Variants in BCO2 observed in about 807,000 individuals in gnomAD.
BCO2 encodes beta-carotene oxygenase 2, also known as carotenoid-cleaving dioxygenase, mitochondrial.
Under a neutral mutation model 65.8 loss-of-function variants are expected in BCO2, and 56 were observed. The observed-to-expected ratio is 0.85, with a 90% CI of 0.69 to 1.06. The LOEUF (loss-of-function observed/expected upper bound fraction) is 1.06. Ranked by LOEUF, BCO2 falls within the 50% of genes least tolerant of loss-of-function variation. The probability of loss-of-function intolerance (pLI) is 0.00; values close to 1 mark genes in which losing one functional copy is unlikely to be tolerated. For missense variants in BCO2, 675 were observed against 698.5 expected (o/e 0.97, Z 0.38); for synonymous variants, 233 against 242.3 (o/e 0.96, Z 0.36).
chr11:112,215,920 AGAG>A (rs1006913533), intron 10 of BCO2, among the ~76,000 whole-genome samples: 27 of 152,278 alleles, frequency 1.8e-4, no homozygotes, highest in African/African-American at 5.8e-4. Flanking sequence ...AGCAAGACAG[AGAG>A]GAGGAGGTGC....
intron 8 of BCO2, among the ~76,000 whole-genome samples, chr11:112,213,247 G>A (rs1266626800): frequency 3.1e-5 from 4 of 130,736 alleles, no homozygotes; most frequent in African/African-American, 1.2e-4. Flanking sequence ...AGGTTCAAGT[G>A]ATTCTCCTGC....
At chr11:112,195,506 G>A (rs1231346545) in intron 5 of BCO2, among the ~76,000 whole-genome samples, 2 of 150,332 alleles carry the variant, frequency 1.3e-5, no homozygotes, top group African/African-American at 4.9e-5. Context: ...GCCGTGGCAC[G>A]ATCTCAGCTC....
intron 1 of BCO2, 28 bp downstream of exon 1, chr11:112,175,717 C>T (rs1866864786): frequency 1.9e-6 from 3 of 1,566,154 alleles, no homozygotes; most frequent in Admixed American, 1.7e-5. Context: ...TTCTCTTCCT[C>T]ATCCTCCTCT....
chr11:112,199,678 A>G (rs763564058), intron 5 of BCO2, 21 bp from the exon 6 acceptor site: 3 of 1,610,916 alleles, frequency 1.9e-6, no homozygotes, highest in Non-Finnish European at 2.5e-6. Flanking sequence ...AACAGGTAAG[A>G]TAGGACTTTT....
At chr11:112,199,358 T>C (rs527909598) in intron 5 of BCO2, among the ~76,000 whole-genome samples, 4 of 152,366 alleles carry the variant, frequency 2.6e-5, no homozygotes, top group South Asian at 4.1e-4. Flanking sequence ...CAGTCTATCA[T>C]TGATGGGCAT....
chr11:112,206,776 T>C (rs1439087768), intron 8 of BCO2, among the ~76,000 whole-genome samples: 1 of 152,228 alleles, frequency 6.6e-6, no homozygotes, highest in Non-Finnish European at 1.5e-5. Context: ...TGATACAATA[T>C]TGCAACTGTA....
In BCO2 at chr11:112,214,850, G is replaced by C. The variant is rs1286665591; in HGVS notation, c.1421G>C (p.Ser474Thr). Residue 474 changes from serine (S) to threonine (T), a missense_variant, in exon 10 of 12, where the codon AGT (serine) becomes ACT (threonine). Coordinates refer to ENST00000357685, the MANE Select transcript of BCO2 (RefSeq NM_031938.7). ...CCTCAGATCTACTATGATCGATTCA[G>C]TGGCAAAAAGTATCATTTCTTTTAT... ...EFPQIYYDRF[S>T]GKKYHFFYGC... The C allele has an allele frequency of 6.2e-7, 1 of 1,613,990 alleles. No individual in the cohort carries two copies. Among genetic ancestry groups the C allele is most frequent in the Admixed American group, 1.7e-5 (1 of 60,008 alleles).
intron 8 of BCO2, among the ~76,000 whole-genome samples, chr11:112,210,869 C>T (rs969721420): frequency 6.6e-6 from 1 of 151,988 alleles, no homozygotes; most frequent in African/African-American, 2.4e-5. Flanking sequence ...TTATGCAAGA[C>T]ATTCCTACTG....
chr11:112,206,352 C>T (rs527911917), intron 8 of BCO2, among the ~76,000 whole-genome samples: 16 of 140,354 alleles, frequency 1.1e-4, no homozygotes, highest in East Asian at 6.5e-4. Context: ...AGTTCCCAGA[C>T]GGTGGGCGGC....
In BCO2 at chr11:112,193,487, T is replaced by A. The variant is rs1867462200; in HGVS notation, c.307T>A (p.Phe103Ile). Reference protein sequence around the residue: ...EFGKDKYNHWFDGMALLHQFR... With the variant: ...EFGKDKYNHWIDGMALLHQFR... ...TCCTGTTTGAAGGTACAATCATTGG[T>A]TTGATGGGATGGCGCTGCTTCACCA... The change falls in exon 3 of 12, where the codon TTT becomes ATT. Residue 103 changes from phenylalanine to isoleucine, a missense_variant. Physicochemically the swap from Phe to Ile is conservative, Grantham distance 21. Transcript: ENST00000357685. The A allele has an allele frequency of 6.2e-7, 1 of 1,613,982 alleles. No individual in the cohort carries two copies.
At chr11:112,175,718 ATCC>A in intron 1 of BCO2, 29 bp downstream of exon 1, 1 of 1,564,236 alleles carries the variant, frequency 6.4e-7, no homozygotes, top group Non-Finnish European at 8.8e-7. Context: ...TCTCTTCCTC[ATCC>A]TCCTCTTCTT....
chr11:112,187,064 C>T (rs1867221516), intron 2 of BCO2, among the ~76,000 whole-genome samples: 1 of 152,180 alleles, frequency 6.6e-6, no homozygotes, highest in East Asian at 1.9e-4. Context: ...AATTTCTCCA[C>T]CCCTGAAATC....
chr11:112,210,424 A>G (rs144552354), intron 8 of BCO2, among the ~76,000 whole-genome samples: 1 of 152,308 alleles, frequency 6.6e-6, no homozygotes, highest in East Asian at 1.9e-4. Flanking sequence ...TATAATTTGA[A>G]GCAGGATTCA....
In BCO2 at chr11:112,179,273, C is replaced by T; in HGVS notation, c.89-5C>T. The T allele has an allele frequency of 6.2e-7, 1 of 1,613,800 alleles. No individual in the cohort carries two copies. The highest frequency in any genetic ancestry group is 8.5e-7 in the Non-Finnish European group (1 of 1,179,746). ...TTTTTTGTGCTTTTGGTTTCCTCTG[C>T]ACAGTTTTCAAAAGGTACATGGGAA... On this transcript the variant is annotated splice_region_variant and splice_polypyrimidine_tract_variant and intron_variant, in intron 1 of 11. Coordinates refer to ENST00000357685, the MANE Select transcript of BCO2 (RefSeq NM_031938.7).
chr11:112,211,190 G>A (rs1222884911), intron 8 of BCO2, among the ~76,000 whole-genome samples: 2 of 152,038 alleles, frequency 1.3e-5, no homozygotes, highest in African/African-American at 4.8e-5. Context: ...TCATGTAAGT[G>A]GGGTCATACA....
rs1859609286 is a variant in BCO2, at chr11:112,214,769, G to A, written c.1340G>A (p.Cys447Tyr). The A allele has an allele frequency of 6.2e-7, 1 of 1,612,578 alleles. No individual in the cohort carries two copies. The highest frequency in any genetic ancestry group is 8.5e-7 in the Non-Finnish European group (1 of 1,178,716). Residue 447 changes from cysteine (C) to tyrosine (Y), a missense_variant, in exon 10 of 12, where the codon TGC (cysteine) becomes TAC (tyrosine). Physicochemically the swap from Cys to Tyr is radical, Grantham distance 194. Transcript: ENST00000357685. ...TTTTGAAATCTCTTTTAGATCTGGT[G>A]CTCTCATGAAAATCTACATCAGGAG... ...AVKQADGTIW[C>Y]SHENLHQEDL...
intron 8 of BCO2, among the ~76,000 whole-genome samples, chr11:112,204,562 C>T (rs1182699908): frequency 6.6e-6 from 1 of 152,156 alleles, no homozygotes; most frequent in Admixed American, 6.5e-5. Context: ...TTCTTCCTCC[C>T]CCTCAGACTA....
chr11:112,204,564 C>T (rs1867819093), intron 8 of BCO2, among the ~76,000 whole-genome samples: 1 of 152,212 alleles, frequency 6.6e-6, no homozygotes, highest in African/African-American at 2.4e-5. Context: ...CTTCCTCCCC[C>T]TCAGACTACT....
intron 2 of BCO2, among the ~76,000 whole-genome samples, chr11:112,191,059 A>G (rs1444645892): frequency 6.6e-6 from 1 of 151,102 alleles, no homozygotes; most frequent in Non-Finnish European, 1.5e-5. Context: ...ATATACCAGT[A>G]TTTTCTTCAA....
Sources: allele counts gnomAD v4.1 joint callset (sites outside exome capture counted in the v4.1 genomes callset), GRCh38; gene constraint gnomAD v4.1.1; transcripts MANE v1.5; gene names NCBI Gene and HGNC (gene_info 2026-07-23, HGNC 2026-07-21).